Variants in ST6GALNAC3 observed in about 807,000 individuals in gnomAD.
ST6GALNAC3 encodes the protein alpha-N-acetylgalactosaminide alpha-2,6-sialyltransferase 3.
A neutral mutation model predicts 32.7 loss-of-function variants in ST6GALNAC3; 25 were observed. The ratio of observed to expected loss-of-function variants is 0.76; its 90% CI spans 0.56 to 1.07. ST6GALNAC3 has a LOEUF of 1.07. ST6GALNAC3 is among the 50% of genes least tolerant of loss of function. The pLI, the probability that ST6GALNAC3 is intolerant of heterozygous loss-of-function variation, is 0.00. For synonymous variants in ST6GALNAC3, 129 were observed against 133.1 expected, an observed-to-expected ratio of 0.97 and a Z score of 0.21; for missense variants, 355 against 382.4, an observed-to-expected ratio of 0.93 and a Z score of 0.60.
chr1:76,331,599 G>A (rs1469307356), intron 2 of ST6GALNAC3, among the ~76,000 whole-genome samples: 1 of 152,100 alleles, frequency 6.6e-6, no homozygotes, highest in Non-Finnish European at 1.5e-5. Flanking sequence ...CCAATCATTT[G>A]TTTCACCAAT....
chr1:76,529,305 T>C (rs1663107715), intron 3 of ST6GALNAC3, among the ~76,000 whole-genome samples: 1 of 152,144 alleles, frequency 6.6e-6, no homozygotes, highest in Non-Finnish European at 1.5e-5. Flanking sequence ...ACCAAGTATT[T>C]AGATACCAGA....
chr1:76,557,919 C>T (rs564662850), intron 3 of ST6GALNAC3, among the ~76,000 whole-genome samples: 1 of 152,080 alleles, frequency 6.6e-6, no homozygotes, highest in Non-Finnish European at 1.5e-5. Context: ...AATATGGCTA[C>T]ATCATAAAGT....
At chr1:76,466,118 C>T (rs1658611647) in intron 3 of ST6GALNAC3, among the ~76,000 whole-genome samples, 1 of 151,978 alleles carries the variant, frequency 6.6e-6, no homozygotes, top group Admixed American at 6.6e-5. Context: ...TTGTAATAGC[C>T]TTAATCTCAA....
intron 1 of ST6GALNAC3, among the ~76,000 whole-genome samples, chr1:76,288,836 G>A (rs370804524): frequency 6.6e-6 from 1 of 152,172 alleles, no homozygotes; most frequent in Admixed American, 6.5e-5. Context: ...TCCTGGATGA[G>A]AGGCTGAAAA....
intron 1 of ST6GALNAC3, among the ~76,000 whole-genome samples, chr1:76,256,015 A>AACACACACACACACACACACACAC (rs10635688): frequency 1.3e-5 from 2 of 148,454 alleles, no homozygotes; most frequent in African/African-American, 5.0e-5. Flanking sequence ...TGTCAGTGGT[A>AACACACACACACACACACACACAC]ACACACACAC....
intron 1 of ST6GALNAC3, among the ~76,000 whole-genome samples, chr1:76,312,903 A>T (rs1557776907): frequency 6.6e-6 from 1 of 152,310 alleles, no homozygotes; most frequent in East Asian, 1.9e-4. Flanking sequence ...CTGTTCACAC[A>T]TATCTGTCAA....
chr1:76,234,402 A>G lies in ST6GALNAC3; in HGVS notation c.19-79403A>G, dbSNP rs1245085892. On this transcript the variant is annotated intron_variant, in intron 1 of 4. Transcript: ENST00000328299. ...TTTGCATTTTAATGCCCATTCAGAG[A>G]CATTTCTCAAAGGACTGAGTCTTTT... 2.0e-5 allele frequency among the ~76,000 whole-genome samples: 3 copies of G among 152,324 alleles called. No individual in the cohort carries two copies. In the East Asian group the frequency reaches 5.8e-4, roughly 29 times the overall value.
intron 2 of ST6GALNAC3, among the ~76,000 whole-genome samples, chr1:76,326,831 T>TC (rs1187317711): frequency 5.3e-5 from 8 of 151,114 alleles, no homozygotes; most frequent in Admixed American, 6.6e-5. Context: ...TTTGGGTTTT[T>TC]TTTTTTTTTT....
chr1:76,546,314 A>G (rs1471385209), intron 3 of ST6GALNAC3, among the ~76,000 whole-genome samples: 1 of 152,148 alleles, frequency 6.6e-6, no homozygotes, highest in Non-Finnish European at 1.5e-5. Flanking sequence ...GTAAACTCAG[A>G]GGTTTTGGAG....
chr1:76,343,755 ATTCT>A (rs1648262113), intron 2 of ST6GALNAC3, among the ~76,000 whole-genome samples: 1 of 152,234 alleles, frequency 6.6e-6, no homozygotes, highest in African/African-American at 2.4e-5. Flanking sequence ...ATGCTTTGAT[ATTCT>A]TTGTCTTTTA....
intron 3 of ST6GALNAC3, among the ~76,000 whole-genome samples, chr1:76,596,453 TATA>T (rs1570402195): frequency 6.6e-6 from 1 of 152,166 alleles, no homozygotes; most frequent in African/African-American, 2.4e-5. Flanking sequence ...AGAAAAAAGA[TATA>T]AAGTGTAGTT....
intron 3 of ST6GALNAC3, among the ~76,000 whole-genome samples, chr1:76,449,843 G>A (rs1011634187): frequency 3.3e-5 from 5 of 151,816 alleles, no homozygotes; most frequent in African/African-American, 1.2e-4. Context: ...ATAGGTTTTG[G>A]GGGAACAGGT....
chr1:76,184,823 T>C (rs1398349888), intron 1 of ST6GALNAC3, among the ~76,000 whole-genome samples: 7 of 152,144 alleles, frequency 4.6e-5, no homozygotes, highest in Non-Finnish European at 1.5e-5. Flanking sequence ...AGTTCTGGTG[T>C]GTCAGACTGT....
At chr1:76,415,271 A>G (rs1235626363) in intron 3 of ST6GALNAC3, among the ~76,000 whole-genome samples, 2 of 148,982 alleles carry the variant, frequency 1.3e-5, no homozygotes, top group African/African-American at 2.5e-5. Flanking sequence ...GATGCCATTA[A>G]TGATTATTTG....
intron 3 of ST6GALNAC3, among the ~76,000 whole-genome samples, chr1:76,564,982 A>G (rs572477094): frequency 6.6e-6 from 1 of 152,202 alleles, no homozygotes; most frequent in South Asian, 2.1e-4. Flanking sequence ...TCCACTTAAA[A>G]TGCTCCCCTG....
At chr1:76,446,166 C>T (rs1557892898) in intron 3 of ST6GALNAC3, among the ~76,000 whole-genome samples, 1 of 151,772 alleles carries the variant, frequency 6.6e-6, no homozygotes, top group Admixed American at 6.6e-5. Flanking sequence ...GTTCTTTTTT[C>T]TAAATAAGCT....
chr1:76,494,649 GCACA>G lies in ST6GALNAC3; in HGVS notation c.623+82260_623+82263del, dbSNP rs35632611. 7.7e-3 allele frequency among the ~76,000 whole-genome samples: 519 copies of G among 67,716 alleles called. 3 individuals carry two copies. Among genetic ancestry groups the G allele is most frequent in the Middle Eastern group, 0.028 (3 of 106 alleles). The allele number at this position is 67,716 out of a possible 152,430, so 44.4% of individuals were successfully genotyped here. A position where few individuals can be genotyped will look rare whatever the true frequency, so the allele number is the denominator to read the frequency against. On this transcript the variant is annotated intron_variant, in intron 3 of 4. Transcript: ENST00000328299. ...ATAAAAATATATTTCATGTGTATGC[GCACA>G]CACACACACACACACACACACACAC...
chr1:76,424,051 C>G (rs1483214295), intron 3 of ST6GALNAC3, among the ~76,000 whole-genome samples: 1 of 151,904 alleles, frequency 6.6e-6, no homozygotes, highest in East Asian at 1.9e-4. Context: ...GGTTGCTATT[C>G]CAAGGTGACT....
At chr1:76,564,013 G>C (rs769255112) in intron 3 of ST6GALNAC3, among the ~76,000 whole-genome samples, 4 of 152,218 alleles carry the variant, frequency 2.6e-5, no homozygotes, top group African/African-American at 4.8e-5. Context: ...AGGTACGAGA[G>C]TACCACATCC....
Sources: allele counts gnomAD v4.1 joint callset (sites outside exome capture counted in the v4.1 genomes callset), GRCh38; gene constraint gnomAD v4.1.1; transcripts MANE v1.5; gene names NCBI Gene and HGNC (gene_info 2026-07-23, HGNC 2026-07-21).